The following GPR149 variants were observed in gnomAD, a reference collection of about 807,000 sequenced individuals.
The protein encoded by GPR149 is G protein-coupled receptor 149, also known as probable G protein-coupled receptor 149.
Under a neutral mutation model 50.2 loss-of-function variants are expected in GPR149, and 50 were observed. That is an observed-to-expected ratio of 1.00 (90% CI 0.79 to 1.26). The LOEUF (loss-of-function observed/expected upper bound fraction) is 1.26, where lower values mean the gene tolerates loss of function less well. Among genes scored for constraint, GPR149 ranks in the 50% most tolerant of loss-of-function variants. The pLI, the probability that GPR149 is intolerant of heterozygous loss-of-function variation, is 0.00. For missense variants in GPR149, 983 were observed against 895.4 expected (o/e 1.10, Z -1.25); for synonymous variants, 405 against 358.2 (o/e 1.13, Z -1.48).
At chr3:154,380,494 T>G (rs189107092) in intron 3 of GPR149, among the ~76,000 whole-genome samples, 1 of 152,204 alleles carries the variant, frequency 6.6e-6, no homozygotes, top group African/African-American at 2.4e-5. Flanking sequence ...GCAACGGAAC[T>G]GCCTCTACAC....
Position 154,353,078 on chromosome 3 carries a change from A to G in GPR149, c.1624-14807T>C, listed in dbSNP as rs1714122721. 2.1e-6 allele frequency: 3 copies of G among 1,426,188 alleles called. No individual in the cohort carries two copies. The East Asian group carries it at 6.8e-5, about 32-fold the overall frequency. The allele number at this position is 1,426,188 out of a possible 1,614,324, so 88.3% of individuals were successfully genotyped here. A position where few individuals can be genotyped will look rare whatever the true frequency, so the allele number is the denominator to read the frequency against. On this transcript the variant is annotated intron_variant, in intron 3 of 3. Transcript: ENST00000389740. ...CTCTTTGTGACTGTGCAATATCCCCATGTAAACACTGGGCATTCTGTTTTA... is the reference window on the plus strand; with the variant it reads ...CTCTTTGTGACTGTGCAATATCCCCGTGTAAACACTGGGCATTCTGTTTTA...
At chr3:154,411,002 CA>C (rs1205020376) in intron 3 of GPR149, among the ~76,000 whole-genome samples, 1 of 151,992 alleles carries the variant, frequency 6.6e-6, no homozygotes, top group Non-Finnish European at 1.5e-5. Context: ...TCTCTCAGAC[CA>C]CAGTGGAATA....
chr3:154,372,936 G>A (rs1376799827), intron 3 of GPR149, among the ~76,000 whole-genome samples: 1 of 152,136 alleles, frequency 6.6e-6, no homozygotes, highest in Non-Finnish European at 1.5e-5. Context: ...AATAAATTCA[G>A]TGTTGTAAAG....
At chr3:154,341,224 T>C (rs1266113361) in intron 3 of GPR149, among the ~76,000 whole-genome samples, 1 of 146,678 alleles carries the variant, frequency 6.8e-6, no homozygotes, top group Non-Finnish European at 1.5e-5. Flanking sequence ...TTATAGATAA[T>C]ATCCATATTA....
At chr3:154,341,309 A>G (rs1208755325) in intron 3 of GPR149, among the ~76,000 whole-genome samples, 7 of 50,508 alleles carry the variant, frequency 1.4e-4, no homozygotes, top group African/African-American at 3.6e-4. Flanking sequence ...ATATATATAT[A>G]TATATATATA....
At chr3:154,383,077 G>A (rs1291208729) in intron 3 of GPR149, among the ~76,000 whole-genome samples, 1 of 152,176 alleles carries the variant, frequency 6.6e-6, no homozygotes, top group Non-Finnish European at 1.5e-5. Context: ...GGGCCAGCCT[G>A]CAGGAAAAGG....
intron 3 of GPR149, among the ~76,000 whole-genome samples, chr3:154,380,840 G>A (rs556852650): frequency 6.6e-6 from 1 of 152,142 alleles, no homozygotes; most frequent in Non-Finnish European, 1.5e-5. Context: ...GTTTTAAAAG[G>A]AGGAACATTA....
chr3:154,428,956 C>A lies in GPR149; in HGVS notation c.660G>T (p.Glu220Asp). ...VPLTHRLLCS[E>D]EPPRLHSNYQ... ...AGTTGGAGTGGAGTCTCGGCGGCTC[C>A]TCCGAACACAGCAATCGGTGAGTGA... Residue 220 changes from glutamate (E) to aspartate (D), a missense_variant, in exon 1 of 4, where the codon GAG becomes GAT. Transcript: ENST00000389740. The A allele has an allele frequency of 6.2e-7, 1 of 1,614,006 alleles. No individual in the cohort carries two copies. Among genetic ancestry groups the A allele is most frequent in the South Asian group, 1.1e-5 (1 of 91,060 alleles).
intron 3 of GPR149, among the ~76,000 whole-genome samples, chr3:154,378,336 T>C (rs1430803095): frequency 6.6e-6 from 1 of 151,990 alleles, no homozygotes; most frequent in Non-Finnish European, 1.5e-5. Flanking sequence ...TCAAGTGATC[T>C]GCCCACCTTG....
intron 3 of GPR149, among the ~76,000 whole-genome samples, chr3:154,343,444 T>G (rs1276876122): frequency 6.6e-6 from 1 of 152,174 alleles, no homozygotes; most frequent in Non-Finnish European, 1.5e-5. Flanking sequence ...TAGAAAGGCA[T>G]CCAGGAGGTA....
intron 3 of GPR149, among the ~76,000 whole-genome samples, chr3:154,372,466 A>G (rs188554483): frequency 1.3e-5 from 2 of 152,270 alleles, no homozygotes; most frequent in East Asian, 3.9e-4. Context: ...CCTTGTAAAC[A>G]CAATTTGTAA....
intron 3 of GPR149, among the ~76,000 whole-genome samples, chr3:154,340,076 G>A (rs1357796688): frequency 2.0e-5 from 3 of 151,966 alleles, no homozygotes; most frequent in Non-Finnish European, 4.4e-5. Flanking sequence ...ACAGGCATGA[G>A]CCACCGTGCC....
intron 3 of GPR149, among the ~76,000 whole-genome samples, chr3:154,364,816 G>A (rs1714492319): frequency 6.6e-6 from 1 of 152,196 alleles, no homozygotes. Flanking sequence ...CTCATGAGTT[G>A]GAGTCATGTG....
At chr3:154,354,223 C>A (rs375279336) in intron 3 of GPR149, 3 of 488,136 alleles carry the variant, frequency 6.1e-6, no homozygotes, top group Non-Finnish European at 7.9e-6. Context: ...CATAATGGTG[C>A]CTTGACTTCC....
chr3:154,407,693 T>C lies in GPR149; in HGVS notation c.1623+13346A>G, dbSNP rs865800042. On this transcript the variant is annotated intron_variant, in intron 3 of 3. Coordinates refer to ENST00000389740, the MANE Select transcript of GPR149 (RefSeq NM_001038705.3). ...TTCATGTGTGTATATGTCATGTGTA[T>C]ACACACACACACACACACACACACA... Among the ~76,000 whole-genome samples the C allele has an allele frequency of 2.7e-3, 372 of 140,052 alleles. 1 individual carries two copies. Among genetic ancestry groups the C allele is most frequent in the African/African-American group, 9.2e-3 (326 of 35,394 alleles). 91.9% of individuals were successfully genotyped at this position (140,052 alleles called of 152,430 possible).
chr3:154,380,475 C>T (rs1714895946), intron 3 of GPR149, among the ~76,000 whole-genome samples: 1 of 152,114 alleles, frequency 6.6e-6, no homozygotes, highest in Non-Finnish European at 1.5e-5. Flanking sequence ...AAGGCACAAA[C>T]CATATTTTGC....
chr3:154,389,986 T>G (rs73872847), intron 3 of GPR149, among the ~76,000 whole-genome samples: 9,330 of 152,254 alleles, frequency 0.061, 930 homozygotes, highest in African/African-American at 0.21. Flanking sequence ...GGCATTGACA[T>G]CTGTCTTATC....
At chr3:154,423,037 T>G (rs534953543) in intron 2 of GPR149, among the ~76,000 whole-genome samples, 1 of 152,052 alleles carries the variant, frequency 6.6e-6, no homozygotes, top group South Asian at 2.1e-4. Context: ...ATTTTATTAG[T>G]TGCACATTGT....
At chr3:154,346,375 G>A (rs766839403) in intron 3 of GPR149, among the ~76,000 whole-genome samples, 25 of 152,088 alleles carry the variant, frequency 1.6e-4, no homozygotes, top group African/African-American at 3.9e-4. Flanking sequence ...TATTCAACTC[G>A]CAGAATATAC....
Sources: gnomAD v4.1 joint callset for allele counts (sites outside exome capture counted in the v4.1 genomes callset) on GRCh38, gnomAD v4.1.1 for gene constraint, MANE v1.5 for transcripts, NCBI Gene and HGNC (gene_info 2026-07-23, HGNC 2026-07-21) for gene names.